The following RIT2 variants were observed in gnomAD, a reference collection of about 807,000 sequenced individuals.
RIT2 encodes the protein Ras like without CAAX 2.
RIT2 carries 24 observed loss-of-function variants against 23.7 expected under a neutral mutation model. The ratio of observed to expected loss-of-function variants is 1.01; its 90% CI spans 0.73 to 1.43. The LOEUF is 1.43. Among genes scored for constraint, RIT2 ranks in the 40% most tolerant of loss-of-function variants. RIT2 has a pLI of 0.00. For synonymous variants in RIT2, 107 were observed against 91.1 expected (o/e 1.17, Z -0.99); for missense variants, 236 against 266.9 (o/e 0.88, Z 0.81).
chr18:42,756,905 T>C (rs1008715770), intron 4 of RIT2, among the ~76,000 whole-genome samples: 1 of 144,988 alleles, frequency 6.9e-6, no homozygotes, highest in Non-Finnish European at 1.5e-5. Flanking sequence ...AAAAAAAACT[T>C]ATGTATTATA....
At chr18:42,992,023 T>C (rs1276996768) in intron 2 of RIT2, among the ~76,000 whole-genome samples, 2 of 151,894 alleles carry the variant, frequency 1.3e-5, no homozygotes, top group East Asian at 3.9e-4. Context: ...CCCCAACCCC[T>C]TATTTCCACG....
At chr18:43,077,418 C>G (rs1435264467) in intron 1 of RIT2, among the ~76,000 whole-genome samples, 1 of 150,728 alleles carries the variant, frequency 6.6e-6, no homozygotes, top group Non-Finnish European at 1.5e-5. Flanking sequence ...ATACTCTTTT[C>G]TTGAACATTT....
chr18:42,820,964 A>T (rs555988951), intron 4 of RIT2, among the ~76,000 whole-genome samples: 1 of 152,130 alleles, frequency 6.6e-6, no homozygotes, highest in South Asian at 2.1e-4. Flanking sequence ...TTCACAGGAG[A>T]GCTGCTTGTT....
chr18:42,873,664 A>G lies in RIT2; in HGVS notation c.426+49908T>C, dbSNP rs371220490. ...GAGAATACATTAACACGGAAGAAAC[A>G]GCATTTTTCTTCTGCCAAACAGAAG... On this transcript the variant is annotated intron_variant, in intron 4 of 4. Transcript: ENST00000326695. Among the ~76,000 whole-genome samples the G allele has an allele frequency of 3.3e-5, 5 of 152,264 alleles. No homozygotes were observed. The East Asian group carries it at 9.7e-4, about 29-fold the overall frequency.
chr18:43,018,067 G>T (rs982409703), intron 2 of RIT2, among the ~76,000 whole-genome samples: 4 of 152,024 alleles, frequency 2.6e-5, no homozygotes, highest in Non-Finnish European at 5.9e-5. Flanking sequence ...TAGTAAGGGG[G>T]TGCCCTAGTA....
intron 2 of RIT2, among the ~76,000 whole-genome samples, chr18:43,021,608 A>T (rs1009039895): frequency 6.6e-6 from 1 of 152,014 alleles, no homozygotes; most frequent in African/African-American, 2.4e-5. Flanking sequence ...TGGAATAGTG[A>T]GTGAGTCAGT....
intron 4 of RIT2, among the ~76,000 whole-genome samples, chr18:42,768,993 C>T (rs553029639): frequency 1.3e-5 from 2 of 152,284 alleles, no homozygotes; most frequent in African/African-American, 4.8e-5. Context: ...CAGAGAACTA[C>T]ATCACTCTAT....
chr18:42,837,166 T>TC (rs1321571286), intron 4 of RIT2, among the ~76,000 whole-genome samples: 2 of 99,294 alleles, frequency 2.0e-5, no homozygotes, highest in African/African-American at 1.1e-4. Flanking sequence ...TTTTTTTTTT[T>TC]TTTTTTTTTT....
chr18:42,798,406 T>C (rs1905434449), intron 4 of RIT2, among the ~76,000 whole-genome samples: 2 of 152,214 alleles, frequency 1.3e-5, no homozygotes, highest in Admixed American at 1.3e-4. Flanking sequence ...CTCTCTTTGT[T>C]TTTTAAGCAT....
chr18:42,864,769 C>T (rs549769362), intron 4 of RIT2, among the ~76,000 whole-genome samples: 1 of 152,186 alleles, frequency 6.6e-6, no homozygotes, highest in Non-Finnish European at 1.5e-5. Flanking sequence ...AACCCACAAG[C>T]TTAACAATTT....
intron 4 of RIT2, among the ~76,000 whole-genome samples, chr18:42,920,946 T>C (rs1048348240): frequency 2.0e-5 from 3 of 152,004 alleles, no homozygotes; most frequent in African/African-American, 2.4e-5. Context: ...AGTCTGCTTT[T>C]TTTTTTTTAT....
At chr18:43,034,738 C>T (rs1204767470) in intron 1 of RIT2, among the ~76,000 whole-genome samples, 3 of 152,046 alleles carry the variant, frequency 2.0e-5, no homozygotes, top group Non-Finnish European at 4.4e-5. Flanking sequence ...TCTATATATC[C>T]CACTTGTCAA....
At chr18:42,764,425 C>T (rs1164286089) in intron 4 of RIT2, among the ~76,000 whole-genome samples, 1 of 152,156 alleles carries the variant, frequency 6.6e-6, no homozygotes, top group Non-Finnish European at 1.5e-5. Flanking sequence ...TAACCACCTC[C>T]CACCTTCCAT....
chr18:42,791,195 T>A lies in RIT2; in HGVS notation c.427-47475A>T, dbSNP rs1458463510. Reference sequence around the variant, plus strand: ...ATATAGTCATATAAGATAATCTAATTTTCTTTTTTTCTTAATTACACAATT... The same window carrying A: ...ATATAGTCATATAAGATAATCTAATATTCTTTTTTTCTTAATTACACAATT... On this transcript the variant is annotated intron_variant, in intron 4 of 4. Coordinates refer to ENST00000326695, the MANE Select transcript of RIT2 (RefSeq NM_002930.4). 2.0e-5 allele frequency among the ~76,000 whole-genome samples: 3 copies of A among 152,336 alleles called. No individual in the cohort carries two copies. The East Asian group carries it at 5.8e-4, about 29-fold the overall frequency.
At chr18:42,805,830 C>T (rs1905667783) in intron 4 of RIT2, among the ~76,000 whole-genome samples, 1 of 152,030 alleles carries the variant, frequency 6.6e-6, no homozygotes, top group Non-Finnish European at 1.5e-5. Context: ...ACAAATACTG[C>T]TCATGCTTTC....
rs114994875 is a variant in RIT2, at chr18:43,068,630, T to C, written c.104-34763A>G. 3.3e-3 allele frequency among the ~76,000 whole-genome samples: 507 copies of C among 152,204 alleles called. 3 individuals carry two copies. The highest frequency in any genetic ancestry group is 0.012 in the African/African-American group (490 of 41,550). On this transcript the variant is annotated intron_variant, in intron 1 of 4. Transcript: ENST00000326695. ...CTGGGAGGCCAGTAGAAAGGTAATA[T>C]TGTTTTGGCAATTGAGAGAAAATAT...
intron 4 of RIT2, among the ~76,000 whole-genome samples, chr18:42,845,112 C>CA (rs948729001): frequency 2.2e-4 from 32 of 144,938 alleles, no homozygotes; most frequent in South Asian, 6.5e-4. Flanking sequence ...TGCAATTCAG[C>CA]AAAAAAAAAA....
chr18:42,768,688 C>T (rs1226290034), intron 4 of RIT2, among the ~76,000 whole-genome samples: 2 of 152,072 alleles, frequency 1.3e-5, no homozygotes, highest in African/African-American at 4.8e-5. Context: ...TATCCCATTT[C>T]CTAGCTGGAT....
intron 4 of RIT2, among the ~76,000 whole-genome samples, chr18:42,832,229 T>C (rs1906479138): frequency 1.3e-5 from 2 of 152,324 alleles, no homozygotes; most frequent in Admixed American, 6.5e-5. Flanking sequence ...AATCATTTAG[T>C]ATTTGGTCAG....
Sources: allele counts gnomAD v4.1 joint callset (sites outside exome capture counted in the v4.1 genomes callset), GRCh38; gene constraint gnomAD v4.1.1; transcripts MANE v1.5; gene names NCBI Gene and HGNC (gene_info 2026-07-23, HGNC 2026-07-21).